GOLGA6L9: variants seen among roughly 807,000 people sequenced by gnomAD.
GOLGA6L9 encodes the protein golgin A6 family like 9, also known as golgin subfamily A member 6-like protein 9.
In GOLGA6L9, 19 loss-of-function variants were observed where a neutral mutation model predicts 51.3. The observed-to-expected ratio is 0.37, with a 90% CI of 0.26 to 0.54. The LOEUF is 0.54. Ranked by LOEUF, GOLGA6L9 falls within the 20% of genes least tolerant of loss-of-function variation. The pLI is 0.83. For synonymous variants in GOLGA6L9, 97 were observed against 184.2 expected, an observed-to-expected ratio of 0.53 and a Z score of 3.83; for missense variants, 247 against 464.1, an observed-to-expected ratio of 0.53 and a Z score of 4.30.
the GOLGA6L9 span, among the ~76,000 whole-genome samples, chr15:82,416,218 A>G: frequency 2.0e-5 from 3 of 152,170 alleles, no homozygotes; most frequent in Non-Finnish European, 4.4e-5. Flanking sequence ...TACGAAACCA[A>G]TTTGAGCTAT....
chr15:82,433,603 G>A lies in GOLGA6L9; in HGVS notation c.387G>A (p.Leu129=), dbSNP rs1417651571. 5 of 921,890 alleles carry A rather than the reference G, an allele frequency of 5.4e-6. No individual in the cohort carries two copies. Among genetic ancestry groups the A allele is most frequent in the East Asian group, 5.6e-5 (2 of 35,662 alleles). The allele number at this position is 921,890 out of a possible 1,614,324, so 57.1% of individuals were successfully genotyped here. A position where few individuals can be genotyped will look rare whatever the true frequency, so the allele number is the denominator to read the frequency against. Residue 129 remains leucine (L), a synonymous_variant, in exon 5 of 9, where the codon CTG becomes CTA. Transcript: ENST00000618348. The part of the protein sequence containing the change: ...SKEEKKHEIH[L]VQKLGRSLFK... The stretch of plus-strand genomic sequence containing the variant: ...AGGAGAAGAAGCATGAGATACATCT[G>A]GTACAGAAGCTTGGGAGGAGCTTGT...
the GOLGA6L9 span, among the ~76,000 whole-genome samples, chr15:82,424,469 C>T: frequency 6.6e-6 from 1 of 152,318 alleles, no homozygotes. Flanking sequence ...TGCAAAGACA[C>T]AGGGATATAG....
chr15:82,429,423 A>G (rs1200549843), upstream of GOLGA6L9, among the ~76,000 whole-genome samples: 1 of 147,586 alleles, frequency 6.8e-6, no homozygotes, highest in African/African-American at 2.5e-5. Context: ...TTGTTTTTAA[A>G]AGAAATCTTA....
chr15:82,418,969 T>C, the GOLGA6L9 span, among the ~76,000 whole-genome samples: 1 of 152,226 alleles, frequency 6.6e-6, no homozygotes, highest in African/African-American at 2.4e-5. Context: ...TTTCAAAGTA[T>C]TCTGTTCTGA....
chr15:82,429,079 A>G (rs1436286588), upstream of GOLGA6L9, among the ~76,000 whole-genome samples: 1 of 151,778 alleles, frequency 6.6e-6, no homozygotes. Flanking sequence ...ATTTTATTTT[A>G]TTTTATTTCT....
At chr15:82,416,967 A>G in the GOLGA6L9 span, among the ~76,000 whole-genome samples, 3 of 152,294 alleles carry the variant, frequency 2.0e-5, no homozygotes, top group South Asian at 4.1e-4. Context: ...TCTTCTCCCC[A>G]GAAAGAAACC....
the GOLGA6L9 span, among the ~76,000 whole-genome samples, chr15:82,416,769 A>G: frequency 2.0e-5 from 3 of 152,182 alleles, no homozygotes; most frequent in African/African-American, 7.2e-5. Context: ...GTTTTGTTCC[A>G]TTTATTTTAT....
At chr15:82,427,370 T>A (rs1419262643), upstream of GOLGA6L9, among the ~76,000 whole-genome samples, 2 of 151,926 alleles carry the variant, frequency 1.3e-5, no homozygotes, top group African/African-American at 4.8e-5. Context: ...TCTCTCTCTT[T>A]CTTCCTTTCC....
At position 82,432,822 on chromosome 15, in the gene GOLGA6L9, G is replaced by C. The variant is rs1407679489; in HGVS notation, c.270G>C (p.Gln90His). 1.9e-6 allele frequency: 3 copies of C among 1,612,164 alleles called. No individual in the cohort carries two copies. Among genetic ancestry groups the C allele is most frequent in the African/African-American group, 2.7e-5 (2 of 74,690 alleles). The change falls in exon 4 of 9, where the codon CAG becomes CAC. Residue 90 changes from glutamine to histidine, a missense_variant. Physicochemically the swap from Gln to His is conservative, Grantham distance 24. This residue lies in a region of GOLGA6L9 where 74 missense variants were observed against 91.2 expected (regional missense o/e 0.81). Coordinates refer to ENST00000618348, the MANE Select transcript of GOLGA6L9 (RefSeq NM_198181.4). ...TCTCTCTGCATGCACCTCAGAGCCA[G>C]TACCAAGAACTAGCAGTAGCCCTGG... ...SSTTLQDLES[Q>H]YQELAVALDS...
the GOLGA6L9 span, among the ~76,000 whole-genome samples, chr15:82,417,433 T>G: frequency 6.6e-6 from 1 of 152,242 alleles, no homozygotes; most frequent in African/African-American, 2.4e-5. Context: ...GTGTCAGTGC[T>G]GCTGGAAGTG....
chr15:82,416,674 G>C, the GOLGA6L9 span, among the ~76,000 whole-genome samples: 1 of 152,188 alleles, frequency 6.6e-6, no homozygotes, highest in Non-Finnish European at 1.5e-5. Context: ...AGTGAAAAAT[G>C]TGAAATACCA....
At chr15:82,418,149 T>A in the GOLGA6L9 span, among the ~76,000 whole-genome samples, 1 of 152,322 alleles carries the variant, frequency 6.6e-6, no homozygotes, top group South Asian at 2.1e-4. Flanking sequence ...TATTGAATAA[T>A]GTCATGAAAA....
intron 7 of GOLGA6L9, chr15:82,435,350 A>G (rs2031628141): frequency 6.1e-6 from 2 of 330,522 alleles, no homozygotes; most frequent in Non-Finnish European, 5.8e-6. Flanking sequence ...AAAAATAATA[A>G]TAATAATTAG....
At chr15:82,416,692 A>G in the GOLGA6L9 span, among the ~76,000 whole-genome samples, 1 of 152,222 alleles carries the variant, frequency 6.6e-6, no homozygotes, top group African/African-American at 2.4e-5. Context: ...CCAATAAAAC[A>G]CCAGGCTTGT....
intron 1 of GOLGA6L9, chr15:82,431,628 C>G: frequency 1.8e-5 from 9 of 486,588 alleles, no homozygotes; most frequent in Non-Finnish European, 2.8e-5. Flanking sequence ...CCAGTATTGC[C>G]TTTTTTGATC....
intron 2 of GOLGA6L9, 49 bp from the exon 3 acceptor site, chr15:82,432,523 A>G (rs2031448354): frequency 6.3e-7 from 1 of 1,591,416 alleles, no homozygotes. Context: ...GAGGGCTTAG[A>G]CAGTGAGGGG....
In GOLGA6L9 at chr15:82,432,740, C is replaced by T. The variant is rs1389800649; in HGVS notation, c.265-77C>T. 24 of 1,576,160 alleles carry T rather than the reference C, an allele frequency of 1.5e-5. 1 individual carries two copies. Among genetic ancestry groups the T allele is most frequent in the Middle Eastern group, 2.3e-4 (1 of 4,400 alleles). On this transcript the variant is annotated intron_variant, in intron 3 of 8. Coordinates refer to ENST00000618348, the MANE Select transcript of GOLGA6L9 (RefSeq NM_198181.4). ...GCCAGCTGAGGCAGCCCACACACCC[C>T]CACCAGCCCTAATGATTATTCTCTC...
At chr15:82,427,244 C>T (rs1408446868), upstream of GOLGA6L9, among the ~76,000 whole-genome samples, 90 of 141,368 alleles carry the variant, frequency 6.4e-4, no homozygotes, top group South Asian at 0.017. Flanking sequence ...TTCTTCCTTC[C>T]TTGCTTTCCT....
rs1337354903 is a variant in GOLGA6L9, at chr15:82,439,018, T to G, written c.*2607T>G. 1.3e-5 allele frequency: 2 copies of G among 149,800 alleles called. No individual in the cohort carries two copies. The highest frequency in any genetic ancestry group is 4.9e-5 in the African/African-American group (2 of 40,474). 9.3% of individuals were successfully genotyped at this position (149,800 alleles called of 1,614,324 possible). ...GTTTTCTTAGAATGACTTTTACCGA[T>G]TTATGAATTCTTATACACAGAATGC... On this transcript the variant is annotated 3_prime_UTR_variant, in exon 9 of 9. Transcript: ENST00000618348.
Sources: gnomAD v4.1 joint callset for allele counts (sites outside exome capture counted in the v4.1 genomes callset) on GRCh38, gnomAD v4.1.1 for gene constraint, gnomAD v4.1.1 regional missense constraint, MANE v1.5 for transcripts, NCBI Gene and HGNC (gene_info 2026-07-23, HGNC 2026-07-21) for gene names.